Variants in PDLIM5 observed in about 807,000 individuals in gnomAD.
The protein encoded by PDLIM5 is PDZ and LIM domain 5.
PDLIM5 carries 34 observed loss-of-function variants against 64.2 expected under a neutral mutation model. That is an observed-to-expected ratio of 0.53 (90% CI 0.40 to 0.71). The LOEUF is 0.71. PDLIM5 is among the 30% of genes least tolerant of loss of function. The pLI, the probability that PDLIM5 is intolerant of heterozygous loss-of-function variation, is 0.00. For missense variants in PDLIM5, 683 were observed against 733.6 expected, an observed-to-expected ratio of 0.93 and a Z score of 0.80; for synonymous variants, 253 against 269.1, an observed-to-expected ratio of 0.94 and a Z score of 0.59.
At chr4:94,593,430 A>T (rs1443365642) in intron 7 of PDLIM5, among the ~76,000 whole-genome samples, 1 of 152,118 alleles carries the variant, frequency 6.6e-6, no homozygotes, top group Non-Finnish European at 1.5e-5. Context: ...AGGTGCCAGC[A>T]GAGTTGGTGT....
At position 94,575,739 on chromosome 4, in the gene PDLIM5, A is replaced by G; in HGVS notation, c.415A>G (p.Lys139Glu). 1 of 1,614,118 alleles carries G rather than the reference A, an allele frequency of 6.2e-7. No individual in the cohort carries two copies. The highest frequency in any genetic ancestry group is 8.5e-7 in the Non-Finnish European group (1 of 1,179,998). The stretch of plus-strand genomic sequence containing the variant: ...GCCTTTTGGTTCTGTGTCTTCACCA[A>G]AAGTCACATCCATCCCATCACCATC... ...PRPFGSVSSP[K>E]VTSIPSPSSA... Residue 139 changes from lysine (K) to glutamate (E), a missense_variant, in exon 5 of 13, where the codon AAA becomes GAA. Lys to Glu is a moderately conservative substitution (Grantham distance 56). Coordinates refer to ENST00000317968, the MANE Select transcript of PDLIM5 (RefSeq NM_006457.5).
At chr4:94,589,418 G>T (rs1453067781) in intron 7 of PDLIM5, among the ~76,000 whole-genome samples, 1 of 152,180 alleles carries the variant, frequency 6.6e-6, no homozygotes, top group Non-Finnish European at 1.5e-5. Context: ...TAAATGGAAT[G>T]ATCCATACTT....
chr4:94,585,889 A>G, intron 6 of PDLIM5, 152 bp downstream of exon 6: 3 of 600,404 alleles, frequency 5.0e-6, no homozygotes, highest in Non-Finnish European at 8.6e-6. Context: ...ATAAGACCCC[A>G]GGCCGGGCAC....
chr4:94,549,150 A>G lies in PDLIM5; in HGVS notation c.249-24201A>G, dbSNP rs143332122. Among the ~76,000 whole-genome samples the G allele has an allele frequency of 7.4e-3, 1,134 of 152,328 alleles. 22 individuals are homozygous for G. Among genetic ancestry groups the G allele is most frequent in the African/African-American group, 0.026 (1,093 of 41,574 alleles). The stretch of plus-strand genomic sequence containing the variant: ...TCTTGGTCCTAAAGTTAAGGACACT[A>G]TACGCAGAGTTAATTGACCTTCATT... On this transcript the variant is annotated intron_variant, in intron 3 of 12. Coordinates refer to ENST00000317968, the MANE Select transcript of PDLIM5 (RefSeq NM_006457.5).
In PDLIM5 at chr4:94,573,396, G is replaced by A. The variant is rs1395857097; in HGVS notation, c.291+3G>A. ...CTGAGCCGGTTCCTGTTCAAAAGGT[G>A]TGTTTTTAAGCTAGCACCCAGAGTA... On this transcript the variant is annotated splice_donor_region_variant and intron_variant, in intron 4 of 12. Coordinates refer to ENST00000317968, the MANE Select transcript of PDLIM5 (RefSeq NM_006457.5). 5 of 1,609,492 alleles carry A rather than the reference G, an allele frequency of 3.1e-6. No individual in the cohort carries two copies. The South Asian group carries it at 3.3e-5, about 11-fold the overall frequency.
At chr4:94,595,512 A>G (rs762439656) in intron 7 of PDLIM5, among the ~76,000 whole-genome samples, 11 of 152,276 alleles carry the variant, frequency 7.2e-5, no homozygotes, top group Non-Finnish European at 7.3e-5. Flanking sequence ...CACTGGAAGA[A>G]TAGAGTTAAT....
At chr4:94,501,869 C>A (rs1001206434) in intron 2 of PDLIM5, among the ~76,000 whole-genome samples, 3 of 152,086 alleles carry the variant, frequency 2.0e-5, no homozygotes, top group Non-Finnish European at 2.9e-5. Context: ...ATAGTGATAC[C>A]CATCAGGGAT....
intron 8 of PDLIM5, among the ~76,000 whole-genome samples, chr4:94,632,933 A>C (rs1345743939): frequency 6.6e-6 from 1 of 152,172 alleles, no homozygotes; most frequent in Non-Finnish European, 1.5e-5. Flanking sequence ...TGTTAGGTTT[A>C]GGTAATAAAC....
intron 2 of PDLIM5, among the ~76,000 whole-genome samples, chr4:94,487,996 C>G (rs1726507689): frequency 6.6e-6 from 1 of 152,144 alleles, no homozygotes; most frequent in Non-Finnish European, 1.5e-5. Flanking sequence ...TTGAGAAATA[C>G]TGTTTTTGAG....
At chr4:94,564,656 C>CTCTTTTTTTTTTTTT (rs1553959063) in intron 3 of PDLIM5, among the ~76,000 whole-genome samples, 1 of 104,542 alleles carries the variant, frequency 9.6e-6, no homozygotes, top group African/African-American at 4.3e-5. Context: ...AATTTTGTCT[C>CTCTTTTTTTTTTTTT]TTTTTTTTTT....
Position 94,667,103 on chromosome 4 carries a change from G to A in PDLIM5, c.*3036G>A, listed in dbSNP as rs1415814175. 2.6e-5 allele frequency: 4 copies of A among 152,056 alleles called. No homozygotes were observed. Among genetic ancestry groups the A allele is most frequent in the African/African-American group, 9.7e-5 (4 of 41,382 alleles). The allele number at this position is 152,056 out of a possible 1,614,324, so 9.4% of individuals were successfully genotyped here. A position where few individuals can be genotyped will look rare whatever the true frequency, so the allele number is the denominator to read the frequency against. ...ATAGAGCATTTACTTTTAGTCTCTA[G>A]ATGTATATTTTGGAATGCTGTACTT... On this transcript the variant is annotated 3_prime_UTR_variant, in exon 13 of 13. Transcript: ENST00000317968.
chr4:94,558,179 C>T (rs1280031647), intron 3 of PDLIM5, among the ~76,000 whole-genome samples: 3 of 152,120 alleles, frequency 2.0e-5, no homozygotes, highest in Non-Finnish European at 4.4e-5. Flanking sequence ...TGGTTTTTGT[C>T]TTTGGTTCTG....
intron 8 of PDLIM5, among the ~76,000 whole-genome samples, chr4:94,631,064 A>C (rs1292040025): frequency 2.2e-5 from 3 of 138,986 alleles, no homozygotes; most frequent in Non-Finnish European, 3.1e-5. Context: ...ACCATGCCAA[A>C]CTTTTTTTTT....
Position 94,654,472 on chromosome 4 carries a change from A to G in PDLIM5, c.1296A>G (p.Leu432=), listed in dbSNP as rs1742064878. 1 of 1,608,280 alleles carries G rather than the reference A, an allele frequency of 6.2e-7. No individual in the cohort carries two copies. Among genetic ancestry groups the G allele is most frequent in the Non-Finnish European group, 8.5e-7 (1 of 1,174,966 alleles). ...HCNQVIRGPF[L]VALGKSWHPE... ...TTTCTTCTGTCAGAGGACCATTCTTAGTGGCACTGGGGAAATCTTGGCACC... is the reference window on the plus strand; with the variant it reads ...TTTCTTCTGTCAGAGGACCATTCTTGGTGGCACTGGGGAAATCTTGGCACC... The change falls in exon 10 of 13, where the codon TTA becomes TTG. Residue 432 remains leucine (L), a synonymous_variant. Coordinates refer to ENST00000317968, the MANE Select transcript of PDLIM5 (RefSeq NM_006457.5).
chr4:94,569,477 G>A (rs183712989), intron 3 of PDLIM5, among the ~76,000 whole-genome samples: 236 of 152,084 alleles, frequency 1.6e-3, no homozygotes, highest in African/African-American at 4.6e-3. Context: ...ATGCTACCAC[G>A]TCCAGCTAAT....
chr4:94,663,099 T>C (rs1360152013), intron 12 of PDLIM5, among the ~76,000 whole-genome samples: 9 of 152,184 alleles, frequency 5.9e-5, no homozygotes, highest in Non-Finnish European at 5.9e-5. Flanking sequence ...GATTCAAATA[T>C]TAAAATAAAT....
Position 94,586,457 on chromosome 4 carries a change from T to A in PDLIM5, c.920+13T>A. ...CAAAGAAGGCAAAGTAAGTTCTCTA[T>A]CTTTTTGACAATTGAATGTTTTCCT... On this transcript the variant is annotated intron_variant, in intron 7 of 12. Transcript: ENST00000317968. The A allele has an allele frequency of 6.8e-7, 1 of 1,481,070 alleles. No homozygotes were observed. Among genetic ancestry groups the A allele is most frequent in the Non-Finnish European group, 9.4e-7 (1 of 1,064,188 alleles). 91.7% of individuals were successfully genotyped at this position (1,481,070 alleles called of 1,614,324 possible).
chr4:94,471,484 G>A (rs1333056544), intron 2 of PDLIM5, among the ~76,000 whole-genome samples: 2 of 151,680 alleles, frequency 1.3e-5, no homozygotes, highest in Non-Finnish European at 2.9e-5. Context: ...TATTAGTACT[G>A]TATTTTTCTT....
chr4:94,640,548 A>G, intron 9 of PDLIM5, 98 bp downstream of exon 9: 1 of 717,232 alleles, frequency 1.4e-6, no homozygotes, highest in Non-Finnish European at 2.3e-6. Flanking sequence ...GTAATTAGTG[A>G]AAATATTCTT....
Sources: allele counts gnomAD v4.1 joint callset (sites outside exome capture counted in the v4.1 genomes callset), GRCh38; gene constraint gnomAD v4.1.1; transcripts MANE v1.5; gene names NCBI Gene and HGNC (gene_info 2026-07-23, HGNC 2026-07-21).